DNASE1: variants seen among roughly 807,000 people sequenced by gnomAD.
DNASE1 encodes deoxyribonuclease-1.
In DNASE1, 40 loss-of-function variants were observed where a neutral mutation model predicts 33.9. The ratio of observed to expected loss-of-function variants is 1.18; its 90% CI spans 0.92 to 1.54. The LOEUF (loss-of-function observed/expected upper bound fraction) is 1.54. DNASE1 is among the 40% of genes most tolerant of loss of function. The probability of loss-of-function intolerance (pLI) is 0.00; values close to 1 mark genes in which losing one functional copy is unlikely to be tolerated. For missense variants in DNASE1, 518 were observed against 372.6 expected (o/e 1.39, Z -3.21); for synonymous variants, 216 against 160.0 (o/e 1.35, Z -2.64).
exon 10 of DNASE1, chr16:3,664,744 A>G (rs2050788867): frequency 1.0e-5 from 4 of 394,986 alleles, no homozygotes; most frequent in Non-Finnish European, 1.8e-5. Context: ...GACCCCACCC[A>G]ACAGCAGAGC....
At chr16:3,663,587 A>C in exon 10 of DNASE1, 1 of 1,612,770 alleles carries the variant, frequency 6.2e-7, no homozygotes, top group Non-Finnish European at 8.5e-7. Context: ...GAGCAGCTCC[A>C]TCAGACCCCG....
chr16:3,621,065 TG>T (rs1214646119), intron 1 of DNASE1, among the ~76,000 whole-genome samples: 1 of 152,172 alleles, frequency 6.6e-6, no homozygotes, highest in Non-Finnish European at 1.5e-5. Context: ...CCCAAAGTGC[TG>T]GGATTACAGG....
At chr16:3,637,478 T>C (rs1315131504) in intron 1 of DNASE1, among the ~76,000 whole-genome samples, 1 of 152,156 alleles carries the variant, frequency 6.6e-6, no homozygotes, top group Non-Finnish European at 1.5e-5. Flanking sequence ...GTTTGGGGTT[T>C]TTGCCTCCTT....
downstream of DNASE1, chr16:3,661,772 G>T: frequency 2.1e-6 from 1 of 478,106 alleles, no homozygotes; most frequent in Non-Finnish European, 3.4e-6. Context: ...CTGGGATGTG[G>T]CTAACCTCCC....
At chr16:3,663,526 G>A (rs1304938258) in exon 10 of DNASE1, 2 of 1,614,148 alleles carry the variant, frequency 1.2e-6, no homozygotes, top group Admixed American at 3.3e-5. Flanking sequence ...AGGTGCAGCA[G>A]GGTGAGCTCA....
chr16:3,646,896 C>G (rs1314046748), intron 1 of DNASE1, among the ~76,000 whole-genome samples: 1 of 152,006 alleles, frequency 6.6e-6, no homozygotes, highest in Non-Finnish European at 1.5e-5. Context: ...ATTCTAGCAC[C>G]TGGATGGTGG....
chr16:3,643,918 G>A (rs2042096568), intron 1 of DNASE1, among the ~76,000 whole-genome samples: 1 of 151,994 alleles, frequency 6.6e-6, no homozygotes, highest in African/African-American at 2.4e-5. Flanking sequence ...CCGCCATCAT[G>A]CCCGGCTAAT....
At chr16:3,641,283 TC>T, upstream of DNASE1, 1 of 212,760 alleles carries the variant, frequency 4.7e-6, no homozygotes, top group East Asian at 1.0e-4. Flanking sequence ...CCAGTGCCGC[TC>T]CCCAGAGCCC....
chr16:3,629,162 A>G lies in DNASE1; in HGVS notation c.-1358-11553A>G, dbSNP rs2041620159. 2.1e-5 allele frequency among the ~76,000 whole-genome samples: 3 copies of G among 145,160 alleles called. No individual in the cohort carries two copies. In the South Asian group the frequency reaches 6.8e-4, roughly 33 times the overall value. On this transcript the variant is annotated intron_variant and NMD_transcript_variant, in intron 1 of 11. Coordinates refer to the DNASE1 transcript ENST00000570769. ...ACTCCAGCCTGGGCGACAGAGCAAG[A>G]CTAAGTCTCAAAAAAAAAAAAAAAA...
chr16:3,641,665 A>G (rs772021364), upstream of DNASE1, among the ~76,000 whole-genome samples: 29 of 152,132 alleles, frequency 1.9e-4, no homozygotes, highest in Admixed American at 1.2e-3. Context: ...CGGCCCCCAG[A>G]GAAGAATTTG....
chr16:3,660,092 C>T (rs1016824228), downstream of DNASE1: 3 of 152,218 alleles, frequency 2.0e-5, no homozygotes, highest in African/African-American at 7.2e-5. Context: ...AAAAAAAGGA[C>T]ATTCTTAATA....
downstream of DNASE1, chr16:3,660,899 G>C (rs2043036830): frequency 6.6e-6 from 1 of 151,984 alleles, no homozygotes; most frequent in Non-Finnish European, 1.5e-5. Context: ...ACTCCAACCT[G>C]GGGGACAGAG....
chr16:3,642,234 C>T (rs1362248640), upstream of DNASE1, among the ~76,000 whole-genome samples: 3 of 152,240 alleles, frequency 2.0e-5, no homozygotes, highest in African/African-American at 7.2e-5. Context: ...TATCTGGCAG[C>T]ATCATCTTCT....
intron 1 of DNASE1, among the ~76,000 whole-genome samples, chr16:3,624,259 ACT>A (rs780686852): frequency 4.8e-5 from 7 of 144,774 alleles, no homozygotes; most frequent in Admixed American, 7.0e-5. Flanking sequence ...ACAGAGTGAG[ACT>A]CTGTCTCAAA....
upstream of DNASE1, chr16:3,652,872 C>T (rs1310373753): frequency 1.3e-5 from 2 of 152,378 alleles, no homozygotes; most frequent in Non-Finnish European, 2.9e-5. Context: ...AGTTCTCATA[C>T]CTGAATCCCG....
chr16:3,635,426 C>G (rs1174559843), intron 1 of DNASE1, among the ~76,000 whole-genome samples: 2 of 148,316 alleles, frequency 1.3e-5, no homozygotes, highest in African/African-American at 2.5e-5. Flanking sequence ...CCATTGCACC[C>G]CAGCCTGGGT....
At chr16:3,627,764 T>G (rs2041561200) in intron 1 of DNASE1, among the ~76,000 whole-genome samples, 1 of 152,188 alleles carries the variant, frequency 6.6e-6, no homozygotes, top group African/African-American at 2.4e-5. Context: ...TCCAATAGTC[T>G]GTATGTCTGT....
At chr16:3,655,972 A>T in intron 3 of DNASE1, 35 bp downstream of exon 3, 1 of 1,613,478 alleles carries the variant, frequency 6.2e-7, no homozygotes, top group Non-Finnish European at 8.5e-7. Flanking sequence ...GGAAGGTGAC[A>T]TCTCGTCCAC....
In DNASE1 at chr16:3,655,419, C is replaced by T; in HGVS notation, c.46C>T (p.Leu16=). The T allele has an allele frequency of 6.2e-7, 1 of 1,614,066 alleles. No individual in the cohort carries two copies. Among genetic ancestry groups the T allele is most frequent in the Non-Finnish European group, 8.5e-7 (1 of 1,180,016 alleles). The change falls in exon 2 of 9, where the codon CTA becomes TTA. Residue 16 remains leucine (L), a synonymous_variant. Transcript: ENST00000246949. ...GGGGGCGCTGCTGGCACTGGCGGCC[C>T]TACTGCAGGGGGCCGTGTCCCTGAA... is the stretch of plus-strand genomic sequence containing the variant. ...LLGALLALAA[L]LQGAVSLKIA... is the part of the protein sequence containing the mutation.
Sources: allele counts gnomAD v4.1 joint callset (sites outside exome capture counted in the v4.1 genomes callset), GRCh38; gene constraint gnomAD v4.1.1; transcripts MANE v1.5; gene names NCBI Gene and HGNC (gene_info 2026-07-23, HGNC 2026-07-21).